FARP1: variants seen among roughly 807,000 people sequenced by gnomAD.
The protein encoded by FARP1 is FERM, ARH/RhoGEF and pleckstrin domain protein 1, also known as FERM, ARHGEF and pleckstrin domain-containing protein 1.
FARP1 carries 52 observed loss-of-function variants against 128.8 expected under a neutral mutation model. The observed-to-expected ratio is 0.40, with a 90% CI of 0.32 to 0.51. The LOEUF is 0.51. FARP1 is among the 20% of genes least tolerant of loss of function. The pLI, the probability that FARP1 is intolerant of heterozygous loss-of-function variation, is 0.45. For missense variants in FARP1, 1,333 were observed against 1,367.9 expected (o/e 0.97, Z 0.40); for synonymous variants, 580 against 551.8 (o/e 1.05, Z -0.72).
At chr13:98,363,617 A>G (rs575942950) in intron 3 of FARP1, among the ~76,000 whole-genome samples, 4 of 152,312 alleles carry the variant, frequency 2.6e-5, no homozygotes, top group African/African-American at 9.6e-5. Flanking sequence ...GACCGCTCCT[A>G]TAATTAAGAG....
intron 1 of FARP1, chr13:98,177,346 G>C: frequency 2.3e-6 from 2 of 874,928 alleles, no homozygotes; most frequent in Non-Finnish European, 3.3e-6. Context: ...AAAAGCAAGT[G>C]AAAGAAAAGC....
intron 2 of FARP1, among the ~76,000 whole-genome samples, chr13:98,289,432 A>G (rs112497422): frequency 0.03 from 4,577 of 152,322 alleles, 117 homozygotes; most frequent in Middle Eastern, 0.11. Flanking sequence ...ATGCTTTAAA[A>G]AATGCATCTA....
At chr13:98,345,792 G>A (rs145384374) in intron 3 of FARP1, among the ~76,000 whole-genome samples, 22 of 152,308 alleles carry the variant, frequency 1.4e-4, no homozygotes, top group Admixed American at 6.5e-5. Flanking sequence ...AGTCTCTGCT[G>A]CAACTATTTG....
chr13:98,379,111 A>AT (rs1889758620), intron 6 of FARP1, among the ~76,000 whole-genome samples: 1 of 97,172 alleles, frequency 1.0e-5, no homozygotes, highest in East Asian at 2.6e-4. Context: ...TATAATATAT[A>AT]ATCTATATAT....
intron 24 of FARP1, among the ~76,000 whole-genome samples, chr13:98,444,792 TGTGA>T (rs1021658757): frequency 4.6e-5 from 7 of 152,210 alleles, no homozygotes; most frequent in African/African-American, 9.6e-5. Flanking sequence ...GTGAAAATTA[TGTGA>T]GTCAGTATGA....
chr13:98,271,434 T>C (rs1336014282), intron 2 of FARP1, among the ~76,000 whole-genome samples: 3 of 152,218 alleles, frequency 2.0e-5, no homozygotes, highest in African/African-American at 7.2e-5. Context: ...GGGATACATG[T>C]GTAGAACGTG....
intron 2 of FARP1, among the ~76,000 whole-genome samples, chr13:98,342,975 G>T (rs1179430818): frequency 2.0e-5 from 3 of 151,706 alleles, no homozygotes; most frequent in Admixed American, 6.6e-5. Flanking sequence ...AGTGAGCTGA[G>T]ATCACACCAT....
chr13:98,369,259 C>T (rs1889226572), intron 5 of FARP1, among the ~76,000 whole-genome samples: 1 of 151,924 alleles, frequency 6.6e-6, no homozygotes, highest in South Asian at 2.1e-4. Context: ...TGATGGTGTT[C>T]CAAAAGAGGG....
At position 98,361,598 on chromosome 13, in the gene FARP1, AG is replaced by A. The variant is rs1888875183; in HGVS notation, c.277-3795del. Reference sequence around the variant, plus strand: ...CGCTCTCTGGTTAACTCACCCTCTCAGGCAGCATGACAGTTTGGAAACTTCT... The same window carrying A: ...CGCTCTCTGGTTAACTCACCCTCTCAGCAGCATGACAGTTTGGAAACTTCT... On this transcript the variant is annotated intron_variant, in intron 3 of 26. Coordinates refer to ENST00000319562, the MANE Select transcript of FARP1 (RefSeq NM_005766.4). Among the ~76,000 whole-genome samples the A allele has an allele frequency of 7.2e-5, 11 of 152,274 alleles. No individual in the cohort carries two copies. The South Asian group carries it at 2.3e-3, about 32-fold the overall frequency.
intron 2 of FARP1, among the ~76,000 whole-genome samples, chr13:98,236,455 T>C (rs1882425160): frequency 6.6e-6 from 1 of 152,152 alleles, no homozygotes; most frequent in South Asian, 2.1e-4. Context: ...TCTAAAATAA[T>C]ACAGTTGGCC....
At chr13:98,310,012 C>A (rs1883377046) in intron 2 of FARP1, among the ~76,000 whole-genome samples, 1 of 149,596 alleles carries the variant, frequency 6.7e-6, no homozygotes, top group Non-Finnish European at 1.5e-5. Context: ...GGTTTTTACG[C>A]CGATGGGACC....
chr13:98,294,688 C>G (rs1293017499), intron 2 of FARP1, among the ~76,000 whole-genome samples: 1 of 152,080 alleles, frequency 6.6e-6, no homozygotes, highest in Non-Finnish European at 1.5e-5. Flanking sequence ...TCTGTTTTGG[C>G]AGGAGTGAAA....
At chr13:98,276,961 T>G (rs1304016540) in intron 2 of FARP1, among the ~76,000 whole-genome samples, 1 of 152,226 alleles carries the variant, frequency 6.6e-6, no homozygotes, top group Non-Finnish European at 1.5e-5. Flanking sequence ...AAAGATTGCT[T>G]GATATTTTGT....
chr13:98,237,291 C>T (rs375136480), intron 2 of FARP1, among the ~76,000 whole-genome samples: 15 of 149,520 alleles, frequency 1.0e-4, no homozygotes, highest in East Asian at 3.9e-4. Context: ...GCAACAAGAT[C>T]GAAACTCCGT....
chr13:98,331,348 T>G (rs187202872), intron 2 of FARP1, among the ~76,000 whole-genome samples: 2 of 152,336 alleles, frequency 1.3e-5, no homozygotes, highest in African/African-American at 4.8e-5. Flanking sequence ...CCATCCGTAG[T>G]GAACCCATAT....
Position 98,213,380 on chromosome 13 carries a change from G to T in FARP1, c.138G>T (p.Met46Ile). Residue 46 changes from methionine to isoleucine, a missense_variant, in exon 2 of 27, where the codon ATG becomes ATT. Met to Ile is a conservative substitution (Grantham distance 10). Coordinates refer to ENST00000319562, the MANE Select transcript of FARP1 (RefSeq NM_005766.4). Reference protein sequence around the residue: ...SGKLVSIKIQMLDDTQEAFEV... With the variant: ...SGKLVSIKIQILDDTQEAFEV... ...AACTCGTGTCCATCAAAATCCAGATGCTGGATGACACCCAGGAGGCATTTG... is the reference window on the plus strand; with the variant it reads ...AACTCGTGTCCATCAAAATCCAGATTCTGGATGACACCCAGGAGGCATTTG... 6.2e-7 allele frequency: 1 copy of T among 1,614,096 alleles called. No homozygotes were observed. Among genetic ancestry groups the T allele is most frequent in the Non-Finnish European group, 8.5e-7 (1 of 1,180,008 alleles).
chr13:98,192,952 G>A (rs986345593), intron 1 of FARP1, among the ~76,000 whole-genome samples: 5 of 152,206 alleles, frequency 3.3e-5, no homozygotes, highest in African/African-American at 7.2e-5. Context: ...TGTCACACAC[G>A]CAAACCCCGG....
At chr13:98,251,358 A>T (rs1883312732) in intron 2 of FARP1, among the ~76,000 whole-genome samples, 1 of 152,152 alleles carries the variant, frequency 6.6e-6, no homozygotes, top group Non-Finnish European at 1.5e-5. Flanking sequence ...TATGCAAGAG[A>T]TATAGACGAC....
chr13:98,225,494 A>G (rs1881703068), intron 2 of FARP1, among the ~76,000 whole-genome samples: 1 of 151,946 alleles, frequency 6.6e-6, no homozygotes, highest in Non-Finnish European at 1.5e-5. Flanking sequence ...TGGACTCTGC[A>G]CTCCCTCATG....
Sources: allele counts gnomAD v4.1 joint callset (sites outside exome capture counted in the v4.1 genomes callset), GRCh38; gene constraint gnomAD v4.1.1; transcripts MANE v1.5; gene names NCBI Gene and HGNC (gene_info 2026-07-23, HGNC 2026-07-21).